Variants in KCNQ1 observed in about 807,000 individuals in gnomAD.
KCNQ1 encodes potassium voltage-gated channel subfamily Q member 1.
Under a neutral mutation model 72.4 loss-of-function variants are expected in KCNQ1, and 49 were observed. That is an observed-to-expected ratio of 0.68 (90% confidence interval 0.54 to 0.86). The LOEUF is 0.86. Ranked by LOEUF, KCNQ1 falls within the 40% of genes least tolerant of loss-of-function variation. The pLI is 0.00. For synonymous variants in KCNQ1, 450 were observed against 412.6 expected (o/e 1.09, Z -1.10); for missense variants, 790 against 945.1 (o/e 0.84, Z 2.15).
chr11:2,583,452 C>T lies in KCNQ1; in HGVS notation c.939C>T (p.Ile313=), dbSNP rs199472747. ...CCCTGCAGGTCACAGTCACCACCAT[C>T]GGCTATGGGGACAAGGTGCCCCAGA... ...LWWGVVTVTT[I]GYGDKVPQTW... The change falls in exon 7 of 16, where the codon ATC becomes ATT. Residue 313 remains isoleucine (I), a synonymous_variant. Coordinates refer to ENST00000155840, the MANE Select transcript of KCNQ1 (RefSeq NM_000218.3). 9.9e-6 allele frequency: 16 copies of T among 1,613,268 alleles called. No homozygotes were observed. The highest frequency in any genetic ancestry group is 6.6e-5 in the South Asian group (6 of 91,090).
In KCNQ1 at chr11:2,494,699, C is replaced by T. The variant is rs145150334; in HGVS notation, c.387-33229C>T. 4.5e-3 allele frequency among the ~76,000 whole-genome samples: 682 copies of T among 152,328 alleles called. 5 individuals are homozygous for T. The highest frequency in any genetic ancestry group is 0.016 in the African/African-American group (664 of 41,576). ...ATCCCAGGGATGAAGCCCACTTGAT[C>T]ACCATGGATAAGCTTTTTGATGTGC... is the stretch of plus-strand genomic sequence containing the variant. On this transcript the variant is annotated intron_variant, in intron 1 of 15. Coordinates refer to ENST00000155840, the MANE Select transcript of KCNQ1 (RefSeq NM_000218.3). The surrounding 1 kb of genome is among the most constrained non-coding windows in gnomAD (Gnocchi z 4.6).
rs1848827887 is a variant in KCNQ1 at position 2,602,936 on chromosome 11, C to T, written c.1393+14082C>T. On this transcript the variant is annotated intron_variant, in intron 10 of 15. Coordinates refer to ENST00000155840, the MANE Select transcript of KCNQ1 (RefSeq NM_000218.3). The surrounding 1 kb of genome is among the most constrained non-coding windows in gnomAD (Gnocchi z 4.8). ...AAATTTTGATGAGATTCAATGTTTC[C>T]TTTTTATGGATTACACTTCTGATGT... Among the ~76,000 whole-genome samples the T allele has an allele frequency of 6.6e-6, 1 of 152,084 alleles. No homozygotes were observed. The highest frequency in any genetic ancestry group is 1.5e-5 in the Non-Finnish European group (1 of 68,008).
Position 2,748,523 on chromosome 11 carries a change from C to T in KCNQ1, c.1515-20321C>T, listed in dbSNP as rs528272965. 7.2e-5 allele frequency among the ~76,000 whole-genome samples: 11 copies of T among 152,302 alleles called. No homozygotes were observed. Among genetic ancestry groups the T allele is most frequent in the African/African-American group, 1.4e-4 (6 of 41,568 alleles). ...AGGTGAGCCCGAGGGCCCAGCTGGGCGTCCACGTGGAGGTGTGGGGCCCGG... is the reference window on the plus strand; with the variant it reads ...AGGTGAGCCCGAGGGCCCAGCTGGGTGTCCACGTGGAGGTGTGGGGCCCGG... On this transcript the variant is annotated intron_variant, in intron 11 of 15. Transcript: ENST00000155840. The surrounding 1 kb of genome is among the most constrained non-coding windows in gnomAD (Gnocchi z 6.2).
chr11:2,656,500 T>C (rs1309841699), intron 10 of KCNQ1: 2 of 398,582 alleles, frequency 5.0e-6, no homozygotes, highest in African/African-American at 4.1e-5. Flanking sequence ...GGCCATGAGC[T>C]CCTGAGTTTA....
chr11:2,800,753 G>T (rs1481190223), intron 15 of KCNQ1, among the ~76,000 whole-genome samples: 2 of 152,192 alleles, frequency 1.3e-5, no homozygotes, highest in African/African-American at 4.8e-5. Context: ...ACATGCTTGC[G>T]GGGGTTCAGG....
intron 10 of KCNQ1, chr11:2,629,507 T>C: frequency 2.5e-6 from 1 of 398,486 alleles, no homozygotes; most frequent in Non-Finnish European, 4.4e-6. Context: ...AATTTTTGTA[T>C]ATGGAGTTAG....
chr11:2,721,462 C>G (rs540146346), intron 11 of KCNQ1, among the ~76,000 whole-genome samples: 7 of 152,260 alleles, frequency 4.6e-5, no homozygotes, highest in Admixed American at 1.3e-4. Flanking sequence ...CTGTCTCCAG[C>G]TCGCAAGAGG....
At chr11:2,777,358 G>A (rs1846726821) in intron 14 of KCNQ1, among the ~76,000 whole-genome samples, 1 of 152,136 alleles carries the variant, frequency 6.6e-6, no homozygotes, top group Non-Finnish European at 1.5e-5. Context: ...GTGGGGTTTG[G>A]GTGGGGTGAG....
rs1850235248 is a variant in KCNQ1 at position 2,673,884 on chromosome 11, A to AG, written c.1514+11805dup. On this transcript the variant is annotated intron_variant, in intron 11 of 15. Transcript: ENST00000155840. This position sits in a 1 kb window ranked among gnomAD's most constrained non-coding sequence, Gnocchi z 4.5. The stretch of plus-strand genomic sequence containing the variant: ...AGAGGGACTTCCTGAAAGCAGGCAC[A>AG]GGAAGGGATGGGAGCTCAGCTCACC... 2.5e-6 allele frequency: 1 copy of AG among 396,870 alleles called. No individual in the cohort carries two copies. The highest frequency in any genetic ancestry group is 2.1e-5 in the African/African-American group (1 of 48,056). The allele number at this position is 396,870 out of a possible 1,614,324, so 24.6% of individuals were successfully genotyped here. A position where few individuals can be genotyped will look rare whatever the true frequency, so the allele number is the denominator to read the frequency against.
At chr11:2,765,691 G>A (rs1454367487) in intron 11 of KCNQ1, among the ~76,000 whole-genome samples, 5 of 152,130 alleles carry the variant, frequency 3.3e-5, no homozygotes, top group African/African-American at 1.2e-4. Context: ...ATCTCGTCCT[G>A]CTGAATTGAC....
chr11:2,542,022 CT>C, intron 2 of KCNQ1, among the ~76,000 whole-genome samples: 1 of 152,208 alleles, frequency 6.6e-6, no homozygotes, highest in African/African-American at 2.4e-5. Context: ...TGCTGTGGCT[CT>C]CCATGGCCCT....
intron 11 of KCNQ1, chr11:2,666,714 T>A: frequency 2.5e-6 from 1 of 398,750 alleles, no homozygotes; most frequent in Non-Finnish European, 4.4e-6. Flanking sequence ...AGGTCCACTG[T>A]GACCTACTCC....
chr11:2,504,643 G>C (rs568383455), intron 1 of KCNQ1, among the ~76,000 whole-genome samples: 74 of 152,276 alleles, frequency 4.9e-4, no homozygotes, highest in African/African-American at 1.8e-3. Context: ...TGTAATCCCA[G>C]CTACTTGGGT....
In KCNQ1 at chr11:2,650,704, T is replaced by C. The variant is rs541821158; in HGVS notation, c.1394-11257T>C. Reference sequence around the variant, plus strand: ...TCTGATTCTGTATGCAGTTTTGCAGTGCTGGGCAGGGGACTAGAATGCTAT... The same window carrying C: ...TCTGATTCTGTATGCAGTTTTGCAGCGCTGGGCAGGGGACTAGAATGCTAT... On this transcript the variant is annotated intron_variant, in intron 10 of 15. Transcript: ENST00000155840. 6 of 398,680 alleles carry C rather than the reference T, an allele frequency of 1.5e-5. No homozygotes were observed. The South Asian group carries it at 7.6e-4, about 51-fold the overall frequency. The allele number at this position is 398,680 out of a possible 1,614,324, so 24.7% of individuals were successfully genotyped here. A position where few individuals can be genotyped will look rare whatever the true frequency, so the allele number is the denominator to read the frequency against.
Position 2,703,685 on chromosome 11 carries a change from C to T in KCNQ1, c.1514+41604C>T, listed in dbSNP as rs1167410693. Among the ~76,000 whole-genome samples the T allele has an allele frequency of 6.6e-6, 1 of 152,164 alleles. No homozygotes were observed. Among genetic ancestry groups the T allele is most frequent in the Non-Finnish European group, 1.5e-5 (1 of 68,032 alleles). On this transcript the variant is annotated intron_variant, in intron 11 of 15. Coordinates refer to ENST00000155840, the MANE Select transcript of KCNQ1 (RefSeq NM_000218.3). The surrounding 1 kb of genome is among the most constrained non-coding windows in gnomAD (Gnocchi z 6.4). The stretch of plus-strand genomic sequence containing the variant: ...CCCGGCGGTGTCCCAGGGGAAACAC[C>T]AGTCCTCTTCTGCAGTGCAAGGCAG...
rs142256205 is a variant in KCNQ1, at chr11:2,762,819, C to A, written c.1515-6025C>A. Among the ~76,000 whole-genome samples, 2 of 152,266 alleles carry A rather than the reference C, an allele frequency of 1.3e-5. No homozygotes were observed. The highest frequency in any genetic ancestry group is 2.9e-5 in the Non-Finnish European group (2 of 68,016). On this transcript the variant is annotated intron_variant, in intron 11 of 15. Coordinates refer to ENST00000155840, the MANE Select transcript of KCNQ1 (RefSeq NM_000218.3). The surrounding 1 kb of genome is among the most constrained non-coding windows in gnomAD (Gnocchi z 4.3). ...ACCATCTCCCCCCACCCCACCCCGT[C>A]CACGGAAAAAGTGTCTTCCACGAAA...
rs754175781 is a variant in KCNQ1 at position 2,759,522 on chromosome 11, C to T, written c.1515-9322C>T. Among the ~76,000 whole-genome samples the T allele has an allele frequency of 2.0e-5, 3 of 152,170 alleles. No individual in the cohort carries two copies. The highest frequency in any genetic ancestry group is 4.8e-5 in the African/African-American group (2 of 41,440). On this transcript the variant is annotated intron_variant, in intron 11 of 15. Transcript: ENST00000155840. This position sits in a 1 kb window ranked among gnomAD's most constrained non-coding sequence, Gnocchi z 4.4. ...GAAGACAGCTCTGTGTCTCCTAGGA[C>T]GCACAGGTGTGGGACCTCACTGCGC...
At position 2,587,694 on chromosome 11, in the gene KCNQ1, T is replaced by C. The variant is rs794728528; in HGVS notation, c.1251+2T>C. On this transcript the variant is annotated splice_donor_variant, in intron 9 of 15. Coordinates refer to ENST00000155840, the MANE Select transcript of KCNQ1 (RefSeq NM_000218.3). LOFTEE classifies it high-confidence loss of function. ...CCCAAACCCAAGAAGTCTGTGGTGGTGAGTAGCCCACCTGCCACCAGGGCA... is the reference window on the plus strand; with the variant it reads ...CCCAAACCCAAGAAGTCTGTGGTGGCGAGTAGCCCACCTGCCACCAGGGCA... 1 of 1,613,386 alleles carries C rather than the reference T, an allele frequency of 6.2e-7. No individual in the cohort carries two copies. Among genetic ancestry groups the C allele is most frequent in the Non-Finnish European group, 8.5e-7 (1 of 1,179,918 alleles).
At chr11:2,640,562 C>CT (rs58881533) in intron 10 of KCNQ1, 107 of 385,960 alleles carry the variant, frequency 2.8e-4, no homozygotes, top group South Asian at 4.1e-4. Flanking sequence ...CTGGGATTTC[C>CT]TTTTTTTTTT....
Sources: allele counts gnomAD v4.1 joint callset (sites outside exome capture counted in the v4.1 genomes callset), GRCh38; gene constraint gnomAD v4.1.1; non-coding constraint Gnocchi (gnomAD v3.1); transcripts MANE v1.5; gene names NCBI Gene and HGNC (gene_info 2026-07-23, HGNC 2026-07-21).